The following PDE10A variants were observed in gnomAD, a reference collection of about 807,000 sequenced individuals.
The protein encoded by PDE10A is cAMP and cAMP-inhibited cGMP 3',5'-cyclic phosphodiesterase 10A.
In PDE10A, 39 loss-of-function variants were observed where a neutral mutation model predicts 97.7. The observed-to-expected ratio is 0.40, with a 90% CI of 0.31 to 0.52. The LOEUF is 0.52. Among genes scored for constraint, PDE10A ranks in the 20% least tolerant of loss-of-function variants. The pLI is 0.56. For synonymous variants in PDE10A, 371 were observed against 376.8 expected (o/e 0.98, Z 0.18); for missense variants, 731 against 1,047.8 (o/e 0.70, Z 4.17).
In PDE10A at chr6:165,535,385, C is replaced by A. The variant is rs1212743022; in HGVS notation, c.994+8055G>T. 3.3e-5 allele frequency among the ~76,000 whole-genome samples: 5 copies of A among 151,828 alleles called. 1 individual carries two copies. In the South Asian group the frequency reaches 1.0e-3, roughly 31 times the overall value. On this transcript the variant is annotated intron_variant, in intron 2 of 21. Transcript: ENST00000539869. The stretch of plus-strand genomic sequence containing the variant: ...TCCTTACTCTCCTCCCAATCTTCCA[C>A]CCTTCCACATATGCAAGATCTATTA...
intron 1 of PDE10A, among the ~76,000 whole-genome samples, chr6:165,677,254 G>T (rs1230065528): frequency 2.6e-5 from 4 of 152,362 alleles, no homozygotes; most frequent in African/African-American, 7.2e-5. Context: ...TAAGGAAGAA[G>T]AAATCTGCTT....
chr6:165,860,346 G>A (rs1372719846), intron 1 of PDE10A, among the ~76,000 whole-genome samples: 2 of 152,076 alleles, frequency 1.3e-5, no homozygotes, highest in African/African-American at 2.4e-5. Context: ...CCAGCTACTC[G>A]GGAGGCTGAG....
intron 2 of PDE10A, among the ~76,000 whole-genome samples, chr6:165,508,049 G>C (rs1781300777): frequency 6.6e-6 from 1 of 151,958 alleles, no homozygotes. Flanking sequence ...TATTTTAAAA[G>C]GCCATTACTT....
intron 1 of PDE10A, among the ~76,000 whole-genome samples, chr6:165,873,380 G>T (rs1451905638): frequency 6.6e-6 from 1 of 152,184 alleles, no homozygotes; most frequent in African/African-American, 2.4e-5. Context: ...TGGGTTCCTG[G>T]CTCCCCTGCT....
intron 1 of PDE10A, among the ~76,000 whole-genome samples, chr6:165,778,629 G>A (rs1300062490): frequency 6.6e-6 from 1 of 152,170 alleles, no homozygotes; most frequent in Non-Finnish European, 1.5e-5. Context: ...AATACACAGT[G>A]CCTGATTGTT....
intron 17 of PDE10A, among the ~76,000 whole-genome samples, chr6:165,387,948 C>T (rs1785420533): frequency 6.6e-6 from 1 of 152,058 alleles, no homozygotes; most frequent in African/African-American, 2.4e-5. Flanking sequence ...ATTTAGCTAA[C>T]TTTTAAGATT....
At chr6:165,870,329 G>A (rs917874459) in intron 1 of PDE10A, among the ~76,000 whole-genome samples, 4 of 152,050 alleles carry the variant, frequency 2.6e-5, no homozygotes, top group Admixed American at 6.6e-5. Context: ...ACATACAAAC[G>A]GCCAAGAAGT....
Position 165,361,452 on chromosome 6 carries a change from C to T in PDE10A, c.2783+17742G>A, listed in dbSNP as rs566153520. Among the ~76,000 whole-genome samples, 129 of 152,252 alleles carry T rather than the reference C, an allele frequency of 8.5e-4. 1 individual carries two copies. Among genetic ancestry groups the T allele is most frequent in the African/African-American group, 2.9e-3 (119 of 41,558 alleles). On this transcript the variant is annotated intron_variant, in intron 18 of 21. Coordinates refer to ENST00000539869, the MANE Select transcript of PDE10A (RefSeq NM_001385079.1). Reference sequence around the variant, plus strand: ...CATATTCTCATATGACTATTATGCACGAAATTGTGTCCCTCAAAGAGATAT... The same window carrying T: ...CATATTCTCATATGACTATTATGCATGAAATTGTGTCCCTCAAAGAGATAT...
intron 1 of PDE10A, among the ~76,000 whole-genome samples, chr6:165,692,693 C>T (rs1158495705): frequency 1.3e-5 from 2 of 152,176 alleles, no homozygotes; most frequent in African/African-American, 2.4e-5. Context: ...CACAGACATG[C>T]CCTGCTAACC....
chr6:165,794,027 CAA>C (rs1477017489), intron 1 of PDE10A, among the ~76,000 whole-genome samples: 2 of 152,088 alleles, frequency 1.3e-5, no homozygotes, highest in Non-Finnish European at 2.9e-5. Flanking sequence ...TAGTAGCAAG[CAA>C]AGAGAGACAG....
intron 3 of PDE10A, among the ~76,000 whole-genome samples, chr6:165,480,318 T>G (rs528161889): frequency 6.6e-6 from 1 of 152,280 alleles, no homozygotes; most frequent in East Asian, 1.9e-4. Flanking sequence ...CTGGGCTCAG[T>G]GGCTCAAACC....
chr6:165,496,889 T>C (rs1267553249), intron 2 of PDE10A, among the ~76,000 whole-genome samples: 1 of 152,214 alleles, frequency 6.6e-6, no homozygotes, highest in Non-Finnish European at 1.5e-5. Flanking sequence ...TCATTCTTAC[T>C]ATATATGTTT....
intron 1 of PDE10A, among the ~76,000 whole-genome samples, chr6:165,785,417 A>AT (rs1156481438): frequency 6.6e-6 from 1 of 152,224 alleles, no homozygotes; most frequent in Non-Finnish European, 1.5e-5. Flanking sequence ...TAAAGCTTAG[A>AT]TTTTAACTCA....
chr6:165,809,869 C>T (rs1178248846), intron 1 of PDE10A, among the ~76,000 whole-genome samples: 1 of 152,186 alleles, frequency 6.6e-6, no homozygotes, highest in African/African-American at 2.4e-5. Flanking sequence ...CCCATGTTAG[C>T]TGAAAGCCCA....
At chr6:165,888,236 A>G (rs1193979712) in intron 1 of PDE10A, among the ~76,000 whole-genome samples, 2 of 152,002 alleles carry the variant, frequency 1.3e-5, no homozygotes, top group Non-Finnish European at 2.9e-5. Flanking sequence ...TGAATTTAGT[A>G]TAGCTCATTA....
chr6:165,629,116 AG>A (rs1293835664), intron 1 of PDE10A, among the ~76,000 whole-genome samples: 1 of 152,182 alleles, frequency 6.6e-6, no homozygotes, highest in East Asian at 1.9e-4. Flanking sequence ...TAAGAGTTGA[AG>A]AAAAACTTTT....
intron 2 of PDE10A, among the ~76,000 whole-genome samples, chr6:165,530,101 C>T (rs1782680983): frequency 6.6e-6 from 1 of 152,012 alleles, no homozygotes; most frequent in Non-Finnish European, 1.5e-5. Context: ...AGCCTCCCAG[C>T]CTACATCTTT....
At chr6:165,528,913 G>A (rs1782610048) in intron 2 of PDE10A, among the ~76,000 whole-genome samples, 1 of 152,196 alleles carries the variant, frequency 6.6e-6, no homozygotes, top group South Asian at 2.1e-4. Flanking sequence ...TAAGTGTCCA[G>A]TATATGGTAC....
At chr6:165,612,683 T>C (rs946783449) in intron 1 of PDE10A, among the ~76,000 whole-genome samples, 1 of 152,202 alleles carries the variant, frequency 6.6e-6, no homozygotes, top group African/African-American at 2.4e-5. Context: ...TTTTGTCTCA[T>C]GTTGAGATGA....
Sources: gnomAD v4.1 joint callset for allele counts (sites outside exome capture counted in the v4.1 genomes callset) on GRCh38, gnomAD v4.1.1 for gene constraint, MANE v1.5 for transcripts, NCBI Gene and HGNC (gene_info 2026-07-23, HGNC 2026-07-21) for gene names.